PES1: variants seen among roughly 807,000 people sequenced by gnomAD.
PES1 encodes the protein pescadillo ribosomal biogenesis factor 1.
A neutral mutation model predicts 77.1 loss-of-function variants in PES1; 31 were observed. The ratio of observed to expected loss-of-function variants is 0.40; its 90% CI spans 0.30 to 0.54. The LOEUF (loss-of-function observed/expected upper bound fraction) is 0.54, where lower values mean the gene tolerates loss of function less well. PES1 is among the 20% of genes least tolerant of loss of function. PES1 has a pLI of 0.45. For missense variants in PES1, 658 were observed against 771.7 expected, an observed-to-expected ratio of 0.85 and a Z score of 1.75; for synonymous variants, 282 against 303.0, an observed-to-expected ratio of 0.93 and a Z score of 0.72.
intron 6 of PES1, among the ~76,000 whole-genome samples, chr22:30,583,448 T>C (rs1488770974): frequency 6.6e-6 from 1 of 152,242 alleles, no homozygotes; most frequent in Non-Finnish European, 1.5e-5. Context: ...CGGCAGCGGC[T>C]GCTCTCCGCT....
intron 6 of PES1, 82 bp downstream of exon 6, chr22:30,584,283 G>A: frequency 1.8e-6 from 2 of 1,131,132 alleles, no homozygotes; most frequent in South Asian, 1.3e-5. Context: ...AAACTCCATG[G>A]ACAGCAAAAT....
In PES1 at chr22:30,587,348, G is replaced by A. The variant is rs778174821; in HGVS notation, c.306C>T (p.Asn102=). 1.9e-6 allele frequency: 3 copies of A among 1,613,906 alleles called. No individual in the cohort carries two copies. Among genetic ancestry groups the A allele is most frequent in the African/African-American group, 2.7e-5 (2 of 74,976 alleles). Residue 102 remains asparagine (N), a synonymous_variant, in exon 4 of 15, where the codon AAC becomes AAT. Transcript: ENST00000354694. ...TATTGTCCTTTAAACGCTCTACAGT[G>A]TTCCACTCGCTCTTCCCATAAGCCT... The part of the protein sequence containing the change: ...LRKAYGKSEW[N]TVERLKDNKP...
At chr22:30,597,243 A>G (rs1304059884) in intron 2 of PES1, among the ~76,000 whole-genome samples, 1 of 151,900 alleles carries the variant, frequency 6.6e-6, no homozygotes, top group Non-Finnish European at 1.5e-5. Context: ...AGGGCTGAGG[A>G]GTGCGGGAGC....
chr22:30,600,824 AAAC>A (rs2087343487), intron 2 of PES1, among the ~76,000 whole-genome samples: 1 of 152,172 alleles, frequency 6.6e-6, no homozygotes, highest in South Asian at 2.1e-4. Context: ...CTCAAAAACA[AAAC>A]AAAAAAAAAT....
Position 30,586,108 on chromosome 22 carries a change from G to A in PES1, c.368+1178C>T, listed in dbSNP as rs889508326. Among the ~76,000 whole-genome samples, 22 of 152,222 alleles carry A rather than the reference G, an allele frequency of 1.4e-4. 4 individuals are homozygous for A. The highest frequency in any genetic ancestry group is 1.3e-3 in the Admixed American group (20 of 15,284). ...TGGCTCTAGCTAAGGAGCTGGGGAT[G>A]GTGTAGTATGAGATCACCACAACCA... is the stretch of plus-strand genomic sequence containing the variant. On this transcript the variant is annotated intron_variant, in intron 4 of 14. Coordinates refer to ENST00000354694, the MANE Select transcript of PES1 (RefSeq NM_014303.4).
At chr22:30,606,189 C>T (rs773145178) in intron 1 of PES1, among the ~76,000 whole-genome samples, 4 of 152,110 alleles carry the variant, frequency 2.6e-5, no homozygotes, top group Non-Finnish European at 5.9e-5. Flanking sequence ...GCAAGTACCC[C>T]TGCTTCTGGT....
At chr22:30,592,976 T>A (rs1381675739), upstream of PES1, among the ~76,000 whole-genome samples, 20 of 139,678 alleles carry the variant, frequency 1.4e-4, no homozygotes, top group East Asian at 6.0e-4. Flanking sequence ...TTTTTTTTTT[T>A]AAACGTTTCT....
chr22:30,590,285 G>A (rs2087157331), intron 1 of PES1, among the ~76,000 whole-genome samples: 2 of 152,188 alleles, frequency 1.3e-5, no homozygotes, highest in South Asian at 4.1e-4. Context: ...TCAGTGCACT[G>A]TAACAAATAC....
upstream of PES1, among the ~76,000 whole-genome samples, chr22:30,595,543 A>C (rs1225994093): frequency 5.7e-5 from 6 of 105,158 alleles, no homozygotes; most frequent in Admixed American, 4.8e-4. Context: ...TGTCTCAAAA[A>C]AAAAAAAAAA....
At chr22:30,598,790 A>G (rs910008464) in intron 2 of PES1, among the ~76,000 whole-genome samples, 1 of 147,748 alleles carries the variant, frequency 6.8e-6, no homozygotes, top group African/African-American at 2.5e-5. Flanking sequence ...TATGTTGTAT[A>G]TTGTGTCTAC....
chr22:30,583,534 C>T (rs1165905897), intron 6 of PES1, among the ~76,000 whole-genome samples: 1 of 152,192 alleles, frequency 6.6e-6, no homozygotes, highest in Admixed American at 6.5e-5. Context: ...GGCAGGAGAG[C>T]CTGGCCCACC....
chr22:30,599,288 T>C, intron 2 of PES1, among the ~76,000 whole-genome samples: 1 of 128,154 alleles, frequency 7.8e-6, no homozygotes, highest in East Asian at 3.6e-4. Flanking sequence ...CATTTTTGCC[T>C]TGGTTTATTG....
Position 30,576,997 on chromosome 22 carries a change from CAT to C in PES1, c.*47_*48del. On this transcript the variant is annotated 3_prime_UTR_variant, in exon 15 of 15. Coordinates refer to ENST00000354694, the MANE Select transcript of PES1 (RefSeq NM_014303.4). ...TAGGTCCTCTGGCCTGCCTCTGCCA[CAT>C]CCAGCTGCTAGGGGCTGGCCTCAGC... The C allele has an allele frequency of 6.7e-7, 1 of 1,493,758 alleles. No homozygotes were observed. The highest frequency in any genetic ancestry group is 9.3e-7 in the Non-Finnish European group (1 of 1,071,252). 92.5% of individuals were successfully genotyped at this position (1,493,758 alleles called of 1,614,324 possible). A position where few individuals can be genotyped will look rare whatever the true frequency, so the allele number is the denominator to read the frequency against.
intron 1 of PES1, chr22:30,606,760 C>A: frequency 1.3e-6 from 1 of 780,636 alleles, no homozygotes; most frequent in Non-Finnish European, 1.5e-6. Context: ...CCCGCCACAA[C>A]TGAGGGAGGC....
chr22:30,581,153 G>A, intron 8 of PES1, 52 bp from the exon 9 acceptor site: 3 of 1,490,478 alleles, frequency 2.0e-6, no homozygotes, highest in Non-Finnish European at 2.8e-6. Flanking sequence ...GCGGGCATGT[G>A]GCCAGGGTGG....
intron 2 of PES1, among the ~76,000 whole-genome samples, chr22:30,601,431 C>T (rs2087352801): frequency 6.6e-6 from 1 of 152,112 alleles, no homozygotes; most frequent in Admixed American, 6.5e-5. Flanking sequence ...TCTCCTGCCT[C>T]AGCCCCGAGT....
intron 4 of PES1, among the ~76,000 whole-genome samples, chr22:30,586,235 G>T (rs2087087961): frequency 6.6e-6 from 1 of 152,150 alleles, no homozygotes; most frequent in Non-Finnish European, 1.5e-5. Context: ...GGCAGGACAG[G>T]AACTACCATC....
intron 1 of PES1, among the ~76,000 whole-genome samples, chr22:30,605,990 C>A (rs907100482): frequency 6.6e-6 from 1 of 152,164 alleles, no homozygotes; most frequent in African/African-American, 2.4e-5. Context: ...ATGATCTTGC[C>A]TAACCCTCTC....
chr22:30,605,741 G>C (rs1224607100), intron 1 of PES1, among the ~76,000 whole-genome samples: 1 of 152,164 alleles, frequency 6.6e-6, no homozygotes, highest in East Asian at 1.9e-4. Context: ...CAGCCTTTCT[G>C]ACTGGACAAC....
Sources: gnomAD v4.1 joint callset for allele counts (sites outside exome capture counted in the v4.1 genomes callset) on GRCh38, gnomAD v4.1.1 for gene constraint, MANE v1.5 for transcripts, NCBI Gene and HGNC (gene_info 2026-07-23, HGNC 2026-07-21) for gene names.